The following PCDH7 variants were observed in gnomAD, a reference collection of about 807,000 sequenced individuals.
The protein encoded by PCDH7 is protocadherin 7, also known as protocadherin-7.
PCDH7 carries 17 observed loss-of-function variants against 58.9 expected under a neutral mutation model. The observed-to-expected ratio is 0.29, with a 90% CI of 0.20 to 0.43. PCDH7 has a LOEUF of 0.43. Among genes scored for constraint, PCDH7 ranks in the 20% least tolerant of loss-of-function variants. PCDH7 has a pLI of 1.00. For synonymous variants in PCDH7, 664 were observed against 616.4 expected (o/e 1.08, Z -1.14); for missense variants, 1,274 against 1,441.0 (o/e 0.88, Z 1.88).
intron 3 of PCDH7, among the ~76,000 whole-genome samples, chr4:30,954,163 G>A (rs1331427961): frequency 6.6e-6 from 1 of 152,102 alleles, no homozygotes; most frequent in African/African-American, 2.4e-5. Flanking sequence ...GCAAGGCCCT[G>A]CACATCTGAC....
chr4:30,907,612 G>A (rs931437508), intron 1 of PCDH7, among the ~76,000 whole-genome samples: 3 of 152,186 alleles, frequency 2.0e-5, no homozygotes, highest in Non-Finnish European at 4.4e-5. Context: ...AGATGCTGGA[G>A]AGGATGTAGA....
intron 1 of PCDH7, among the ~76,000 whole-genome samples, chr4:30,901,176 G>A (rs1438431777): frequency 6.6e-6 from 1 of 152,056 alleles, no homozygotes; most frequent in African/African-American, 2.4e-5. Context: ...ACTCATTTAA[G>A]TTTTTCTATA....
At chr4:30,807,970 C>T (rs896861542) in intron 1 of PCDH7, among the ~76,000 whole-genome samples, 1 of 152,168 alleles carries the variant, frequency 6.6e-6, no homozygotes, top group African/African-American at 2.4e-5. Flanking sequence ...TCACAGCGGG[C>T]TCTCTGGAGA....
intron 3 of PCDH7, among the ~76,000 whole-genome samples, chr4:31,022,838 C>A (rs1344375972): frequency 6.6e-6 from 1 of 151,996 alleles, no homozygotes; most frequent in Non-Finnish European, 1.5e-5. Flanking sequence ...GAAATTATGA[C>A]TAAGTGTCAT....
chr4:30,810,151 C>T (rs1386097798), intron 1 of PCDH7, among the ~76,000 whole-genome samples: 2 of 152,150 alleles, frequency 1.3e-5, no homozygotes, highest in Non-Finnish European at 2.9e-5. Flanking sequence ...AATTCTCTCT[C>T]GTATGTTCCA....
At chr4:30,848,332 G>C (rs576804963) in intron 1 of PCDH7, among the ~76,000 whole-genome samples, 18 of 152,044 alleles carry the variant, frequency 1.2e-4, no homozygotes, top group Non-Finnish European at 2.5e-4. Context: ...AACAAAAATA[G>C]TTGAGGTAAT....
At chr4:30,917,468 ATATAT>A (rs558495627) in intron 1 of PCDH7, among the ~76,000 whole-genome samples, 22 of 152,082 alleles carry the variant, frequency 1.4e-4, no homozygotes, top group Non-Finnish European at 2.4e-4. Flanking sequence ...GATAGGTGTG[ATATAT>A]TATAATCCAT....
intron 3 of PCDH7, among the ~76,000 whole-genome samples, chr4:31,106,469 G>A (rs1260727309): frequency 6.6e-6 from 1 of 152,196 alleles, no homozygotes; most frequent in East Asian, 1.9e-4. Context: ...CTCTTTCTGA[G>A]TGCGATGAAG....
In PCDH7 at chr4:30,724,499, C is replaced by T. The variant is rs565349342; in HGVS notation, c.3077C>T (p.Pro1026Leu). The T allele has an allele frequency of 3.1e-6, 5 of 1,614,142 alleles. No individual in the cohort carries two copies. In the South Asian group the frequency reaches 3.3e-5, roughly 11 times the overall value. Residue 1026 changes from proline to leucine, a missense_variant, in exon 1 of 2, where the codon CCA becomes CTA. By Grantham distance (98) the Pro-to-Leu change is moderately conservative. Transcript: ENST00000361762. ...CACCAGGCCGTACAAGATCTACCAC[C>T]AGCCAACACATTTGTGGGAGCAGGA...
At chr4:30,933,066 C>T (rs1212144257) in intron 2 of PCDH7, among the ~76,000 whole-genome samples, 3 of 150,896 alleles carry the variant, frequency 2.0e-5, no homozygotes, top group Non-Finnish European at 4.4e-5. Flanking sequence ...CTTGCTCTGT[C>T]GCCAGGCTGG....
In PCDH7 at chr4:31,075,771, A is replaced by G. The variant is rs1016598059; in HGVS notation, c.*8-66702A>G. On this transcript the variant is annotated intron_variant, in intron 3 of 3. Transcript: ENST00000509759. The stretch of plus-strand genomic sequence containing the variant: ...ATTCAACTAGGAATGTGATTTATCA[A>G]TAACTTTTTCAATCCAGAAGTTAAT... 3.9e-5 allele frequency among the ~76,000 whole-genome samples: 6 copies of G among 152,204 alleles called. No individual in the cohort carries two copies. In the East Asian group the frequency reaches 5.8e-4, roughly 15 times the overall value.
chr4:30,925,146 A>G (rs546058299), intron 2 of PCDH7, among the ~76,000 whole-genome samples: 60 of 152,180 alleles, frequency 3.9e-4, no homozygotes, highest in South Asian at 8.3e-4. Flanking sequence ...TTCTACATGC[A>G]TTATACCTTG....
At chr4:31,007,958 AC>A (rs2109147190) in intron 3 of PCDH7, among the ~76,000 whole-genome samples, 1 of 152,244 alleles carries the variant, frequency 6.6e-6, no homozygotes, top group African/African-American at 2.4e-5. Context: ...CCTTCCTGTT[AC>A]AACTATTGCA....
At chr4:30,919,444 G>T (rs554552975) in intron 1 of PCDH7, among the ~76,000 whole-genome samples, 1 of 152,200 alleles carries the variant, frequency 6.6e-6, no homozygotes, top group African/African-American at 2.4e-5. Context: ...ATTAAAGGCT[G>T]TACATGATTT....
intron 1 of PCDH7, chr4:30,776,267 A>G (rs954927626): frequency 2.0e-5 from 3 of 152,210 alleles, no homozygotes; most frequent in Non-Finnish European, 4.4e-5. Context: ...ATTTATTTCC[A>G]CATGTTCTTC....
At chr4:31,069,612 A>G (rs190061277) in intron 3 of PCDH7, among the ~76,000 whole-genome samples, 4 of 152,064 alleles carry the variant, frequency 2.6e-5, no homozygotes, top group African/African-American at 4.8e-5. Flanking sequence ...TAGTTTTTGC[A>G]TAATGTTTAT....
intron 1 of PCDH7, among the ~76,000 whole-genome samples, chr4:30,790,859 G>A (rs1377087460): frequency 6.6e-6 from 1 of 152,000 alleles, no homozygotes; most frequent in Non-Finnish European, 1.5e-5. Context: ...GGAGGTCAAG[G>A]CTGCAGTGAC....
intron 3 of PCDH7, among the ~76,000 whole-genome samples, chr4:31,127,890 A>C (rs2109332422): frequency 6.6e-6 from 1 of 152,080 alleles, no homozygotes; most frequent in African/African-American, 2.4e-5. Context: ...AAAATACACC[A>C]ATTTCCATAT....
intron 3 of PCDH7, among the ~76,000 whole-genome samples, chr4:31,061,027 A>G (rs1287629534): frequency 1.3e-5 from 2 of 151,680 alleles, no homozygotes; most frequent in Non-Finnish European, 3.0e-5. Context: ...GATCTCTTGG[A>G]ATCCAGGTTT....
Sources: allele counts gnomAD v4.1 joint callset (sites outside exome capture counted in the v4.1 genomes callset), GRCh38; gene constraint gnomAD v4.1.1; transcripts MANE v1.5; gene names NCBI Gene and HGNC (gene_info 2026-07-23, HGNC 2026-07-21).